SEL1L3: variants seen among roughly 807,000 people sequenced by gnomAD.
The protein encoded by SEL1L3 is SEL1L family member 3.
In SEL1L3, 76 loss-of-function variants were observed where a neutral mutation model predicts 142.8. That is an observed-to-expected ratio of 0.53 (90% confidence interval 0.44 to 0.64). SEL1L3 has a LOEUF of 0.64. Among genes scored for constraint, SEL1L3 ranks in the 30% least tolerant of loss-of-function variants. The pLI is 0.00. For synonymous variants in SEL1L3, 504 were observed against 519.6 expected, an observed-to-expected ratio of 0.97 and a Z score of 0.41; for missense variants, 1,262 against 1,381.7, an observed-to-expected ratio of 0.91 and a Z score of 1.37.
rs1717843679 is a variant in SEL1L3 at position 25,862,968 on chromosome 4, G to A, written c.-132C>T. ...CGCGGGGCCACCTGCCGCCACCTCC[G>A]GACCCGCCGCCGCCGCCACTGCCGC... On this transcript the variant is annotated 5_prime_UTR_variant, in exon 1 of 24. Coordinates refer to ENST00000399878, the MANE Select transcript of SEL1L3 (RefSeq NM_015187.5). 2 of 510,302 alleles carry A rather than the reference G, an allele frequency of 3.9e-6. No homozygotes were observed. Among genetic ancestry groups the A allele is most frequent in the South Asian group, 8.2e-5 (1 of 12,234 alleles). The allele number at this position is 510,302 out of a possible 1,614,324, so 31.6% of individuals were successfully genotyped here.
At chr4:25,759,156 C>T (rs1718207764) in intron 20 of SEL1L3, 88 bp from the exon 21 acceptor site, 1 of 1,460,898 alleles carries the variant, frequency 6.8e-7, no homozygotes, top group South Asian at 1.4e-5. Context: ...TGTTTACAAC[C>T]TCTAAAATTT....
rs150186890 is a variant in SEL1L3 at position 25,795,825 on chromosome 4, C to T, written c.1957-5251G>A. ...AGACCACCTATTAACACAAAGACTT[C>T]GGAGGCAGGAATGACCTTTAAAAGG... On this transcript the variant is annotated intron_variant, in intron 11 of 23. Transcript: ENST00000399878. Among the ~76,000 whole-genome samples the T allele has an allele frequency of 8.2e-3, 1,241 of 152,156 alleles. 8 individuals carry two copies. Among genetic ancestry groups the T allele is most frequent in the Non-Finnish European group, 0.014 (956 of 68,028 alleles).
intron 10 of SEL1L3, among the ~76,000 whole-genome samples, chr4:25,804,044 A>G (rs1325097332): frequency 6.6e-6 from 1 of 152,202 alleles, no homozygotes; most frequent in Admixed American, 6.5e-5. Flanking sequence ...TGCACTATGA[A>G]AATGTAATTC....
intron 5 of SEL1L3, among the ~76,000 whole-genome samples, chr4:25,831,855 T>C (rs1715468889): frequency 6.6e-6 from 1 of 152,082 alleles, no homozygotes; most frequent in African/African-American, 2.4e-5. Flanking sequence ...TGACAGTCCT[T>C]TACCTGCTTA....
intron 15 of SEL1L3, 23 bp downstream of exon 15, chr4:25,782,218 GA>G: frequency 6.2e-7 from 1 of 1,604,438 alleles, no homozygotes; most frequent in Non-Finnish European, 8.5e-7. Context: ...ACTAGTTGCA[GA>G]GTGGGTCTCA....
intron 9 of SEL1L3, among the ~76,000 whole-genome samples, chr4:25,816,416 C>G (rs768683631): frequency 6.6e-6 from 1 of 152,130 alleles, no homozygotes; most frequent in Non-Finnish European, 1.5e-5. Flanking sequence ...CACAACATGA[C>G]GCAGCCTCCT....
chr4:25,843,263 C>T (rs1716285889), intron 2 of SEL1L3, among the ~76,000 whole-genome samples: 1 of 149,064 alleles, frequency 6.7e-6, no homozygotes. Context: ...AATCACCTTG[C>T]ACTGGCTGCT....
chr4:25,818,067 G>C (rs1042663278), intron 9 of SEL1L3, 71 bp downstream of exon 9: 2 of 1,488,214 alleles, frequency 1.3e-6, no homozygotes, highest in African/African-American at 1.4e-5. Context: ...CACCAAAGAG[G>C]GTGAGTGAAA....
the SEL1L3 span, among the ~76,000 whole-genome samples, chr4:25,714,970 C>G: frequency 6.6e-6 from 1 of 152,060 alleles, no homozygotes; most frequent in South Asian, 2.1e-4. Flanking sequence ...AAGCTCAAAT[C>G]ATAAAACAAA....
Position 25,748,318 on chromosome 4 carries a change from T to C in SEL1L3, c.*107A>G. The C allele has an allele frequency of 3.3e-6, 4 of 1,215,242 alleles. No homozygotes were observed. Among genetic ancestry groups the C allele is most frequent in the Non-Finnish European group, 4.5e-6 (4 of 886,568 alleles). The allele number at this position is 1,215,242 out of a possible 1,614,324, so 75.3% of individuals were successfully genotyped here. A position where few individuals can be genotyped will look rare whatever the true frequency, so the allele number is the denominator to read the frequency against. ...ACCAATTGCAAAATTTGCATCCAGTTGACAAGACATTTAAGGTGTTTATCA... is the reference window on the plus strand; with the variant it reads ...ACCAATTGCAAAATTTGCATCCAGTCGACAAGACATTTAAGGTGTTTATCA... On this transcript the variant is annotated 3_prime_UTR_variant, in exon 24 of 24. Transcript: ENST00000399878.
In SEL1L3 at chr4:25,821,995, C is replaced by T; in HGVS notation, c.1290+1G>A. On this transcript the variant is annotated splice_donor_variant, in intron 7 of 23. Coordinates refer to ENST00000399878, the MANE Select transcript of SEL1L3 (RefSeq NM_015187.5). LOFTEE classifies it high-confidence loss of function. ...CAATCTTCCTGATCCCCTGGACTCACCTGGGCGGGGTGCAGACTGCGAAGG... is the reference window on the plus strand; with the variant it reads ...CAATCTTCCTGATCCCCTGGACTCATCTGGGCGGGGTGCAGACTGCGAAGG... 1 of 1,613,158 alleles carries T rather than the reference C, an allele frequency of 6.2e-7. No homozygotes were observed. Among genetic ancestry groups the T allele is most frequent in the South Asian group, 1.1e-5 (1 of 90,910 alleles).
Position 25,802,327 on chromosome 4 carries a change from C to G in SEL1L3, c.1912G>C (p.Ala638Pro), listed in dbSNP as rs1319094100. 1 of 1,613,716 alleles carries G rather than the reference C, an allele frequency of 6.2e-7. No homozygotes were observed. The highest frequency in any genetic ancestry group is 8.5e-7 in the Non-Finnish European group (1 of 1,179,798). The stretch of plus-strand genomic sequence containing the variant: ...TGCTGGTCAAGGGGTGTCTTGGTGG[C>G]AATGTTGCTGTAGTAGGCATACGAC... ...ELSYAYYSNI[A>P]TKTPLDQHTL... Residue 638 changes from alanine (A) to proline (P), a missense_variant, in exon 11 of 24, where the codon GCC (alanine) becomes CCC (proline). Ala to Pro is a conservative substitution (Grantham distance 27). This residue lies in a region of SEL1L3 where 435 missense variants were observed against 559.2 expected (regional missense o/e 0.78). Transcript: ENST00000399878.
chr4:25,716,690 C>T, the SEL1L3 span, among the ~76,000 whole-genome samples: 12 of 151,992 alleles, frequency 7.9e-5, no homozygotes, highest in Admixed American at 5.9e-4. Flanking sequence ...AGTGTAAACA[C>T]GTAAGCTGGA....
At chr4:25,719,210 A>AC in the SEL1L3 span, 1 of 152,106 alleles carries the variant, frequency 6.6e-6, no homozygotes, top group Non-Finnish European at 1.5e-5. Flanking sequence ...GAAAAGTATT[A>AC]TTACTAGCAT....
At position 25,820,290 on chromosome 4, in the gene SEL1L3, C is replaced by T. The variant is rs13116746; in HGVS notation, c.1291-350G>A. Among the ~76,000 whole-genome samples, 824 of 149,390 alleles carry T rather than the reference C, an allele frequency of 5.5e-3. 2 individuals carry two copies. The highest frequency in any genetic ancestry group is 7.4e-3 in the Non-Finnish European group (506 of 68,026). On this transcript the variant is annotated intron_variant, in intron 7 of 23. Coordinates refer to ENST00000399878, the MANE Select transcript of SEL1L3 (RefSeq NM_015187.5). ...CCACGAAAAGATGCAAGGGTACCCA[C>T]GACGTGCCTGCTGCATCAAAGAGAG...
chr4:25,733,522 G>GA, the SEL1L3 span, among the ~76,000 whole-genome samples: 1 of 116,164 alleles, frequency 8.6e-6, no homozygotes, highest in Non-Finnish European at 1.8e-5. Flanking sequence ...ATATTCCTTA[G>GA]CTTTTTTTTT....
At chr4:25,717,559 G>A in the SEL1L3 span, among the ~76,000 whole-genome samples, 1 of 152,160 alleles carries the variant, frequency 6.6e-6, no homozygotes, top group African/African-American at 2.4e-5. Context: ...CCAGCTACTT[G>A]GGAGGCTGAG....
chr4:25,761,064 A>G (rs922877265), intron 20 of SEL1L3, among the ~76,000 whole-genome samples: 3 of 152,222 alleles, frequency 2.0e-5, no homozygotes, highest in African/African-American at 7.2e-5. Context: ...AGCGTTAAGT[A>G]TCTTTAAGAT....
rs1292360810 is a variant in SEL1L3 at position 25,748,508 on chromosome 4, C to T, written c.3316G>A (p.Ala1106Thr). 1.9e-6 allele frequency: 3 copies of T among 1,611,956 alleles called. No individual in the cohort carries two copies. In the South Asian group the frequency reaches 3.3e-5, roughly 18 times the overall value. Reference protein sequence around the residue: ...QASPDTATSTASPAVTPAADA... With the variant: ...QASPDTATSTTSPAVTPAADA... Reference sequence around the variant, plus strand: ...GCAGCTGGAGTCACAGCTGGACTTGCAGTGGACGTGGCAGTGTCTGGGGAG... The same window carrying T: ...GCAGCTGGAGTCACAGCTGGACTTGTAGTGGACGTGGCAGTGTCTGGGGAG... Residue 1106 changes from alanine to threonine, a missense_variant, in exon 24 of 24, where the codon GCA becomes ACA. Ala to Thr is a moderately conservative substitution (Grantham distance 58, BLOSUM62 0). Around this residue, in one of 3 missense-constraint regions of SEL1L3, gnomAD observed 138 missense variants for 129.7 expected, o/e 1.06. Transcript: ENST00000399878.
Sources: allele counts gnomAD v4.1 joint callset (sites outside exome capture counted in the v4.1 genomes callset), GRCh38; gene constraint gnomAD v4.1.1; regional missense constraint gnomAD v4.1.1; transcripts MANE v1.5; gene names NCBI Gene and HGNC (gene_info 2026-07-23, HGNC 2026-07-21).